Variants in PELP1 observed in about 807,000 individuals in gnomAD.
The protein encoded by PELP1 is proline, glutamate and leucine rich protein 1.
In PELP1, 32 loss-of-function variants were observed where a neutral mutation model predicts 95.5. The ratio of observed to expected loss-of-function variants is 0.34; its 90% CI spans 0.25 to 0.45. The LOEUF is 0.45. Ranked by LOEUF, PELP1 falls within the 20% of genes least tolerant of loss-of-function variation. The pLI, the probability that PELP1 is intolerant of heterozygous loss-of-function variation, is 1.00. For missense variants in PELP1, 1,358 were observed against 1,444.8 expected, an observed-to-expected ratio of 0.94 and a Z score of 0.97; for synonymous variants, 668 against 600.1, an observed-to-expected ratio of 1.11 and a Z score of -1.65.
chr17:4,688,093 G>A (rs1332190714), intron 3 of PELP1, among the ~76,000 whole-genome samples: 1 of 152,194 alleles, frequency 6.6e-6, no homozygotes, highest in Admixed American at 6.5e-5. Context: ...TTAGCACTTA[G>A]GGAGGCCGAG....
In PELP1 at chr17:4,674,844, G is replaced by A. The variant is rs1377493186; in HGVS notation, c.1387C>T (p.Leu463Phe). ...TCAGCTGGCGGGGAGATGTCGCTGA[G>A]CAGGTGGGTGAGCAGGGCCTCTCCA... ...ASGEALLTHL[L>F]SDISPPADAL... Residue 463 changes from leucine (L) to phenylalanine (F), a missense_variant, in exon 12 of 17, where the codon CTC becomes TTC. This residue lies in a region of PELP1 where 538 missense variants were observed against 628.1 expected (regional missense o/e 0.86). Coordinates refer to ENST00000572293, the MANE Select transcript of PELP1 (RefSeq NM_014389.3). The A allele has an allele frequency of 6.2e-7, 1 of 1,613,162 alleles. No individual in the cohort carries two copies. Among genetic ancestry groups the A allele is most frequent in the African/African-American group, 1.3e-5 (1 of 74,926 alleles).
chr17:4,672,030 A>G lies in PELP1; in HGVS notation c.2961T>C (p.Pro987=). The part of the protein sequence containing the change: ...PPPPTLPPAL[P]PPESPPKVQP... Reference sequence around the variant, plus strand: ...GCACCTTTGGGGGAGACTCAGGGGGAGGCAGAGCTGGAGGCAGGGTTGGGG... The same window carrying G: ...GCACCTTTGGGGGAGACTCAGGGGGGGGCAGAGCTGGAGGCAGGGTTGGGG... The change falls in exon 16 of 17, where the codon CCT becomes CCC. Residue 987 remains proline, a synonymous_variant. Transcript: ENST00000572293. 1 of 1,566,240 alleles carries G rather than the reference A, an allele frequency of 6.4e-7. No homozygotes were observed. The highest frequency in any genetic ancestry group is 1.2e-5 in the South Asian group (1 of 82,694).
intron 1 of PELP1, among the ~76,000 whole-genome samples, chr17:4,703,386 A>T (rs1913624056): frequency 6.6e-6 from 1 of 152,198 alleles, no homozygotes; most frequent in Admixed American, 6.5e-5. Flanking sequence ...ATAAGGTTAG[A>T]GACCCCTGAT....
Position 4,691,012 on chromosome 17 carries a change from G to A in PELP1, c.315-19C>T. On this transcript the variant is annotated intron_variant, in intron 2 of 16. Coordinates refer to ENST00000572293, the MANE Select transcript of PELP1 (RefSeq NM_014389.3). Reference sequence around the variant, plus strand: ...CTCAAACCTTCAAAGAAAGAAGAGAGTCATGTTAAGTGGGCGGAGGCTAGA... The same window carrying A: ...CTCAAACCTTCAAAGAAAGAAGAGAATCATGTTAAGTGGGCGGAGGCTAGA... 1 of 1,547,458 alleles carries A rather than the reference G, an allele frequency of 6.5e-7. No homozygotes were observed. The highest frequency in any genetic ancestry group is 8.9e-7 in the Non-Finnish European group (1 of 1,119,280).
chr17:4,698,492 A>C (rs1459924470), intron 1 of PELP1, among the ~76,000 whole-genome samples: 1 of 151,640 alleles, frequency 6.6e-6, no homozygotes, highest in Non-Finnish European at 1.5e-5. Flanking sequence ...AAGAAAAAAA[A>C]TTAGCCAGGC....
At chr17:4,686,497 G>A (rs1374535529) in intron 3 of PELP1, among the ~76,000 whole-genome samples, 1 of 152,056 alleles carries the variant, frequency 6.6e-6, no homozygotes, top group African/African-American at 2.4e-5. Flanking sequence ...ATTATCCACA[G>A]GCAGCCAGAG....
At chr17:4,692,007 A>C (rs4790219) in intron 1 of PELP1, among the ~76,000 whole-genome samples, 148,821 of 152,196 alleles carry the variant, frequency 0.98, 72,842 homozygotes, top group Middle Eastern at 1. Flanking sequence ...CCATGCCCCA[A>C]ATGGCCAGCC....
In PELP1 at chr17:4,672,285, T is replaced by C; in HGVS notation, c.2706A>G (p.Glu902=). ...EEEEEEEEEE[E]EEEEEEDFEE... Reference sequence around the variant, plus strand: ...CAAAGTCTTCCTCCTCTTCCTCTTCTTCCTCTTCTTCTTCTTCCTCTTCTT... The same window carrying C: ...CAAAGTCTTCCTCCTCTTCCTCTTCCTCCTCTTCTTCTTCTTCCTCTTCTT... Residue 902 remains glutamate (E), a synonymous_variant, in exon 16 of 17, where the codon GAA becomes GAG. Transcript: ENST00000572293. The C allele has an allele frequency of 1.3e-6, 2 of 1,551,946 alleles. No homozygotes were observed. Among genetic ancestry groups the C allele is most frequent in the Non-Finnish European group, 1.7e-6 (2 of 1,147,004 alleles).
chr17:4,682,174 G>A (rs949972573), intron 5 of PELP1, among the ~76,000 whole-genome samples: 1 of 152,108 alleles, frequency 6.6e-6, no homozygotes, highest in African/African-American at 2.4e-5. Flanking sequence ...AAAAGACAAG[G>A]TGGTAGAAAA....
rs775519389 is a variant in PELP1, at chr17:4,672,312, C to T, written c.2679G>A (p.Glu893=). 3 of 1,552,988 alleles carry T rather than the reference C, an allele frequency of 1.9e-6. No homozygotes were observed. The highest frequency in any genetic ancestry group is 1.2e-5 in the South Asian group (1 of 84,102). Residue 893 remains glutamate, a synonymous_variant, in exon 16 of 17, where the codon GAG becomes GAA. Transcript: ENST00000572293. ...INSSDEEEEE[E]EEEEEEEEEE... ...CCTCTTCTTCTTCTTCCTCTTCTTC[C>T]TCTTCCTCCTCCTCTTCATCACTGC...
In PELP1 at chr17:4,671,265, C is replaced by T. The variant is rs573222314; in HGVS notation, c.*174G>A. On this transcript the variant is annotated 3_prime_UTR_variant, in exon 17 of 17. Transcript: ENST00000572293. ...CAATGTCAGTTGTTCCTCTCTGGATCGTCAAAAAGAGGACAGCTATGGAGA... is the reference window on the plus strand; with the variant it reads ...CAATGTCAGTTGTTCCTCTCTGGATTGTCAAAAAGAGGACAGCTATGGAGA... 1.3e-5 allele frequency: 8 copies of T among 605,874 alleles called. No individual in the cohort carries two copies. The highest frequency in any genetic ancestry group is 2.8e-5 in the East Asian group (1 of 36,342). 37.5% of individuals were successfully genotyped at this position (605,874 alleles called of 1,614,324 possible).
At chr17:4,702,239 C>T (rs567958948) in intron 1 of PELP1, among the ~76,000 whole-genome samples, 2 of 152,126 alleles carry the variant, frequency 1.3e-5, no homozygotes, top group East Asian at 3.9e-4. Context: ...GGCAACATGG[C>T]AAAACCCCGT....
In PELP1 at chr17:4,672,359, A is replaced by C. The variant is rs764848718; in HGVS notation, c.2632T>G (p.Leu878Val). 6.4e-7 allele frequency: 1 copy of C among 1,553,142 alleles called. No individual in the cohort carries two copies. Among genetic ancestry groups the C allele is most frequent in the South Asian group, 1.2e-5 (1 of 84,184 alleles). The change falls in exon 16 of 17, where the codon TTG becomes GTG. Residue 878 changes from leucine to valine, a missense_variant. By Grantham distance (32) the Leu-to-Val change is conservative (BLOSUM62 1). Coordinates refer to ENST00000572293, the MANE Select transcript of PELP1 (RefSeq NM_014389.3). ...CTGCTGTTGATATTAATAACTGTCA[A>C]ATCCTCTTCCAGGGCTGGGGGTCCT... ...GGGPPALEEDLTVININSSDE... is the reference protein window; with the variant it reads ...GGGPPALEEDVTVININSSDE...
At position 4,672,300 on chromosome 17, in the gene PELP1, TTCC is replaced by T. The variant is rs762265588; in HGVS notation, c.2688_2690del (p.Glu908del). 116 of 1,550,498 alleles carry T rather than the reference TTCC, an allele frequency of 7.5e-5. 1 individual carries two copies. Among genetic ancestry groups the T allele is most frequent in the Middle Eastern group, 1.7e-4 (1 of 6,002 alleles). On this transcript the variant is annotated inframe_deletion, in exon 16 of 17. Coordinates refer to ENST00000572293, the MANE Select transcript of PELP1 (RefSeq NM_014389.3). ...CTTCCTCTTCTTCCTCTTCTTCTTC[TTCC>T]TCTTCTTCCTCTTCCTCCTCCTCTT...
intron 3 of PELP1, among the ~76,000 whole-genome samples, chr17:4,683,422 ATG>A (rs1912777764): frequency 6.6e-6 from 1 of 150,830 alleles, no homozygotes; most frequent in Non-Finnish European, 1.5e-5. Context: ...GGGTTTCACT[ATG>A]TTAGCCAGGA....
chr17:4,689,646 T>C (rs1267276179), intron 3 of PELP1, among the ~76,000 whole-genome samples: 2 of 152,214 alleles, frequency 1.3e-5, no homozygotes, highest in Admixed American at 1.3e-4. Flanking sequence ...GAAAGACCCT[T>C]GCGCACAATA....
At chr17:4,703,768 C>T in intron 1 of PELP1, 95 bp downstream of exon 1, 1 of 1,080,590 alleles carries the variant, frequency 9.3e-7, no homozygotes. Context: ...CTTCCTTCAA[C>T]CTCCCTATCG....
At position 4,672,666 on chromosome 17, in the gene PELP1, A is replaced by G. The variant is rs1261806042; in HGVS notation, c.2325T>C (p.Asp775=). The change falls in exon 16 of 17, where the codon GAT becomes GAC. Residue 775 remains aspartate, a synonymous_variant. Transcript: ENST00000572293. ...FVHYDKEEAS[D]VEISLESDSD... ...AGTCACTTTCCAAGGAGATCTCCAC[A>G]TCAGATGCCTCCTCCTTGTCATAGT... 3 of 1,613,416 alleles carry G rather than the reference A, an allele frequency of 1.9e-6. No individual in the cohort carries two copies. The highest frequency in any genetic ancestry group is 2.5e-6 in the Non-Finnish European group (3 of 1,179,748).
chr17:4,674,003 T>C, intron 13 of PELP1: 1 of 368,530 alleles, frequency 2.7e-6, no homozygotes. Flanking sequence ...ATCCATTAAC[T>C]GCACAGTATC....
Sources: gnomAD v4.1 joint callset for allele counts (sites outside exome capture counted in the v4.1 genomes callset) on GRCh38, gnomAD v4.1.1 for gene constraint, gnomAD v4.1.1 regional missense constraint, MANE v1.5 for transcripts, NCBI Gene and HGNC (gene_info 2026-07-23, HGNC 2026-07-21) for gene names.